Variants in SALL4 observed in about 807,000 individuals in gnomAD.
The protein encoded by SALL4 is spalt like transcription factor 4.
Under a neutral mutation model 60.8 loss-of-function variants are expected in SALL4, and 4 were observed. The ratio of observed to expected loss-of-function variants is 0.07; its 90% CI spans 0.03 to 0.15. The LOEUF (loss-of-function observed/expected upper bound fraction) is 0.15, where lower values mean the gene tolerates loss of function less well. Ranked by LOEUF, SALL4 falls within the 10% of genes least tolerant of loss-of-function variation. The pLI, the probability that SALL4 is intolerant of heterozygous loss-of-function variation, is 1.00. For missense variants in SALL4, 1,178 were observed against 1,394.7 expected (o/e 0.84, Z 2.48); for synonymous variants, 580 against 574.9 (o/e 1.01, Z -0.13).
intron 1 of SALL4, 152 bp from the exon 2 acceptor site, chr20:51,792,504 C>G (rs2078053851): frequency 1.0e-6 from 1 of 987,672 alleles, no homozygotes; most frequent in South Asian, 1.4e-5. Context: ...GTCTGGCCAA[C>G]ATGGTGAGAC....
At chr20:51,793,042 C>T (rs943930510) in intron 1 of SALL4, 2 of 951,476 alleles carry the variant, frequency 2.1e-6, no homozygotes, top group African/African-American at 3.5e-5. Context: ...CTTGTTTTTT[C>T]AGAAATGTTC....
rs1280885665 is a variant in SALL4, at chr20:51,791,856, G to C, written c.627C>G (p.Asn209Lys). ...DALPAPVPGA[N>K]SIPWVLEQIL... is the part of the protein sequence containing the mutation. ...TCTGCTCGAGGACCCACGGGATGCT[G>C]TTGGCACCAGGCACGGGGGCAGGGA... Residue 209 changes from asparagine to lysine, a missense_variant, in exon 2 of 4, where the codon AAC becomes AAG. Transcript: ENST00000217086. This position sits in a 1 kb window ranked among gnomAD's most constrained non-coding sequence, Gnocchi z 4.6. 1.9e-6 allele frequency: 3 copies of C among 1,614,028 alleles called. No homozygotes were observed. The highest frequency in any genetic ancestry group is 2.5e-6 in the Non-Finnish European group (3 of 1,180,034).
At position 51,788,323 on chromosome 20, in the gene SALL4, TTGTGTGTGTGTGTG is replaced by T. The variant is rs3030173; in HGVS notation, c.2742+524_2742+537del. ...GCATGCAACACCATGCCCAACTAAT[TTGTGTGTGTGTGTG>T]TGTGTGTGTGTGTGTGTGTGTAAAG... On this transcript the variant is annotated intron_variant, in intron 3 of 3. Transcript: ENST00000217086. The surrounding 1 kb of genome is among the most constrained non-coding windows in gnomAD (Gnocchi z 4.1). 1.3e-4 allele frequency among the ~76,000 whole-genome samples: 18 copies of T among 141,936 alleles called. No homozygotes were observed. The South Asian group carries it at 3.8e-3, about 30-fold the overall frequency. The allele number at this position is 141,936 out of a possible 152,430, so 93.1% of individuals were successfully genotyped here. A position where few individuals can be genotyped will look rare whatever the true frequency, so the allele number is the denominator to read the frequency against.
At chr20:51,786,735 GTC>G (rs1203396883) in intron 3 of SALL4, among the ~76,000 whole-genome samples, 1 of 152,230 alleles carries the variant, frequency 6.6e-6, no homozygotes, top group African/African-American at 2.4e-5. Context: ...ATACAAGGAT[GTC>G]TCTGTATTAC....
chr20:51,782,785 G>T lies in SALL4; in HGVS notation c.*1480C>A, dbSNP rs1442116792. The T allele has an allele frequency of 6.7e-6, 1 of 150,010 alleles. No homozygotes were observed. The highest frequency in any genetic ancestry group is 2.4e-5 in the African/African-American group (1 of 40,956). The allele number at this position is 150,010 out of a possible 1,614,324, so 9.3% of individuals were successfully genotyped here. On this transcript the variant is annotated 3_prime_UTR_variant, in exon 4 of 4. Coordinates refer to ENST00000217086, the MANE Select transcript of SALL4 (RefSeq NM_020436.5). ...TACAAAGGAAACTACAAAAAAAAAA[G>T]GCATCACAAAATCATCTTGAACGTT...
chr20:51,800,269 G>A (rs2078101590), intron 1 of SALL4, among the ~76,000 whole-genome samples: 1 of 152,146 alleles, frequency 6.6e-6, no homozygotes, highest in East Asian at 1.9e-4. Flanking sequence ...CACCAGGTGT[G>A]AGCCAGTACC....
rs1272332002 is a variant in SALL4, at chr20:51,784,359, A to G, written c.3068T>C (p.Ile1023Thr). 1 of 1,614,072 alleles carries G rather than the reference A, an allele frequency of 6.2e-7. No homozygotes were observed. Among genetic ancestry groups the G allele is most frequent in the Non-Finnish European group, 8.5e-7 (1 of 1,180,042 alleles). Residue 1023 changes from isoleucine (I) to threonine (T), a missense_variant, in exon 4 of 4, where the codon ATC (isoleucine) becomes ACC (threonine). Around this residue, in one of 5 missense-constraint regions of SALL4, gnomAD observed 174 missense variants for 169.6 expected, o/e 1.03. Coordinates refer to ENST00000217086, the MANE Select transcript of SALL4 (RefSeq NM_020436.5). ...ACTTGGTTTTTCCACATCTGCACTG[A>G]TACCCGACTGGGAGCCATCCATCTT... Reference protein sequence around the residue: ...VSKMDGSQSGISADVEKPSAT... With the variant: ...VSKMDGSQSGTSADVEKPSAT...
chr20:51,791,439 G>A lies in SALL4; in HGVS notation c.1044C>T (p.Phe348=). Residue 348 remains phenylalanine (F), a synonymous_variant, in exon 2 of 4, where the codon TTC becomes TTT. Transcript: ENST00000217086. This position sits in a 1 kb window ranked among gnomAD's most constrained non-coding sequence, Gnocchi z 4.6. ...TGGATGTGTCTAGCGCCACAGTGGA[G>A]AAAGGGCTCTGGAAGAGCACCGAGC... The part of the protein sequence containing the change: ...APGSVLFQSP[F]STVALDTSKK... The A allele has an allele frequency of 6.2e-7, 1 of 1,614,214 alleles. No homozygotes were observed. Among genetic ancestry groups the A allele is most frequent in the Non-Finnish European group, 8.5e-7 (1 of 1,180,032 alleles).
chr20:51,794,771 A>C lies in SALL4; in HGVS notation c.131-2419T>G, dbSNP rs529742640. Among the ~76,000 whole-genome samples the C allele has an allele frequency of 8.5e-5, 13 of 152,312 alleles. No individual in the cohort carries two copies. In the South Asian group the frequency reaches 2.7e-3, roughly 32 times the overall value. ...AGAAGGGGAAACTGAGGCACAGAGG[A>C]CATGAACTTGCCCAAGCTAACATGT... On this transcript the variant is annotated intron_variant, in intron 1 of 3. Coordinates refer to ENST00000217086, the MANE Select transcript of SALL4 (RefSeq NM_020436.5).
chr20:51,784,222 G>T lies in SALL4; in HGVS notation c.*43C>A, dbSNP rs1347801490. On this transcript the variant is annotated 3_prime_UTR_variant, in exon 4 of 4. Coordinates refer to ENST00000217086, the MANE Select transcript of SALL4 (RefSeq NM_020436.5). ...CTTACAAAACAAAGCAGATTCTAGA[G>T]ATTTCACTGTGTCTGCATTGCTCCT... is the stretch of plus-strand genomic sequence containing the variant. 1 of 1,604,008 alleles carries T rather than the reference G, an allele frequency of 6.2e-7. No homozygotes were observed. The highest frequency in any genetic ancestry group is 1.7e-5 in the Admixed American group (1 of 60,012).
intron 3 of SALL4, among the ~76,000 whole-genome samples, chr20:51,786,758 T>G (rs2077995517): frequency 6.6e-6 from 1 of 152,208 alleles, no homozygotes. Context: ...TTTTCAAAAG[T>G]CCAGTGAAAA....
In SALL4 at chr20:51,790,447, G is replaced by A. The variant is rs549741547; in HGVS notation, c.2036C>T (p.Thr679Ile). ...GACATCATCATGGCAGATAGCGCCG[G>A]TGCTGCCGTTCTCACCCACGGTCAT... is the stretch of plus-strand genomic sequence containing the variant. ...EPMTVGENGS[T>I]GAICHDDVIE... Residue 679 changes from threonine to isoleucine, a missense_variant, in exon 2 of 4, where the codon ACC becomes ATC. Physicochemically the swap from Thr to Ile is moderately conservative, Grantham distance 89. Coordinates refer to ENST00000217086, the MANE Select transcript of SALL4 (RefSeq NM_020436.5). This position sits in a 1 kb window ranked among gnomAD's most constrained non-coding sequence, Gnocchi z 5.5. The A allele has an allele frequency of 1.2e-6, 2 of 1,614,110 alleles. No homozygotes were observed. The highest frequency in any genetic ancestry group is 1.7e-5 in the Admixed American group (1 of 60,018).
At chr20:51,793,545 C>T (rs1048268343) in intron 1 of SALL4, among the ~76,000 whole-genome samples, 22 of 152,166 alleles carry the variant, frequency 1.4e-4, no homozygotes, top group Non-Finnish European at 1.6e-4. Flanking sequence ...TAACCTCCGC[C>T]TCCTGGATTC....
In SALL4 at chr20:51,784,642, G is replaced by A. The variant is rs762163254; in HGVS notation, c.2785C>T (p.Arg929Cys). 1.9e-6 allele frequency: 3 copies of A among 1,614,152 alleles called. No individual in the cohort carries two copies. Among genetic ancestry groups the A allele is most frequent in the Non-Finnish European group, 1.7e-6 (2 of 1,180,030 alleles). Residue 929 changes from arginine (R) to cysteine (C), a missense_variant, in exon 4 of 4, where the codon CGT becomes TGT. This residue lies in a region of SALL4 where 174 missense variants were observed against 169.6 expected (regional missense o/e 1.03). Coordinates refer to ENST00000217086, the MANE Select transcript of SALL4 (RefSeq NM_020436.5). ...TTCTCGATGGCCAACTTCCTTCCAC[G>A]GCGGGCTGAGTTATTGTTCGCCCCG... ...THGANNNSARRGRKLAIENTM... is the reference protein window; with the variant it reads ...THGANNNSARCGRKLAIENTM...
chr20:51,790,135 G>A lies in SALL4; in HGVS notation c.2348C>T (p.Thr783Ile). ...QSRSPDILET[T>I]SFQALSPANS... ...GGCCGGGGAGAGTGCCTGGAAGGAT[G>A]TGGTTTCCAGGATATCTGGGCTTCG... Residue 783 changes from threonine (T) to isoleucine (I), a missense_variant, in exon 2 of 4, where the codon ACA becomes ATA. Physicochemically the swap from Thr to Ile is moderately conservative, Grantham distance 89 (BLOSUM62 -1). Around this residue, in one of 5 missense-constraint regions of SALL4, gnomAD observed 853 missense variants for 1,036.8 expected, o/e 0.82. Transcript: ENST00000217086. The surrounding 1 kb of genome is among the most constrained non-coding windows in gnomAD (Gnocchi z 5.5). 3 of 1,614,202 alleles carry A rather than the reference G, an allele frequency of 1.9e-6. No individual in the cohort carries two copies. The highest frequency in any genetic ancestry group is 2.5e-6 in the Non-Finnish European group (3 of 1,180,040).
chr20:51,797,166 T>C (rs1199369834), intron 1 of SALL4, among the ~76,000 whole-genome samples: 2 of 151,878 alleles, frequency 1.3e-5, no homozygotes, highest in East Asian at 1.9e-4. Flanking sequence ...TCATATAGTG[T>C]TACAAGTTGT....
intron 1 of SALL4, among the ~76,000 whole-genome samples, chr20:51,796,196 CA>C (rs11474910): frequency 0.35 from 31,317 of 89,962 alleles, 3,720 homozygotes; most frequent in African/African-American, 0.54. Context: ...AAGACTGTCT[CA>C]AAAAAAAAAA....
At position 51,784,383 on chromosome 20, in the gene SALL4, T is replaced by C; in HGVS notation, c.3044A>G (p.Lys1015Arg). ...GATACCCGACTGGGAGCCATCCATC[T>C]TGGAGACAGTGGCGTTATTCACAAC... ...TSVVNNATVS[K>R]MDGSQSGISA... The change falls in exon 4 of 4, where the codon AAG becomes AGG. Residue 1015 changes from lysine to arginine, a missense_variant. This residue lies in a region of SALL4 where 174 missense variants were observed against 169.6 expected (regional missense o/e 1.03). Transcript: ENST00000217086. 1 of 1,614,206 alleles carries C rather than the reference T, an allele frequency of 6.2e-7. No homozygotes were observed. The highest frequency in any genetic ancestry group is 8.5e-7 in the Non-Finnish European group (1 of 1,180,032).
intron 1 of SALL4, 53 bp downstream of exon 1, chr20:51,802,226 C>A: frequency 1.3e-6 from 2 of 1,535,116 alleles, no homozygotes; most frequent in Admixed American, 2.0e-5. Flanking sequence ...TCGAGGATCC[C>A]GCGTACGTCC....
Sources: allele counts gnomAD v4.1 joint callset (sites outside exome capture counted in the v4.1 genomes callset), GRCh38; gene constraint gnomAD v4.1.1; regional missense constraint gnomAD v4.1.1; non-coding constraint Gnocchi (gnomAD v3.1); transcripts MANE v1.5; gene names NCBI Gene and HGNC (gene_info 2026-07-23, HGNC 2026-07-21).